The following TMEM132B variants were observed in gnomAD, a reference collection of about 807,000 sequenced individuals.
TMEM132B encodes the protein transmembrane protein 132B.
In TMEM132B, 18 loss-of-function variants were observed where a neutral mutation model predicts 90.8. The observed-to-expected ratio is 0.20, with a 90% CI of 0.14 to 0.29. TMEM132B has a LOEUF of 0.29. Among genes scored for constraint, TMEM132B ranks in the 10% least tolerant of loss-of-function variants. The probability of loss-of-function intolerance (pLI) is 1.00; values close to 1 mark genes in which losing one functional copy is unlikely to be tolerated. For missense variants in TMEM132B, 1,096 were observed against 1,326.8 expected (o/e 0.83, Z 2.70); for synonymous variants, 504 against 523.3 (o/e 0.96, Z 0.50).
rs1296439063 is a variant in TMEM132B at position 125,456,583 on chromosome 12, CAGGGTTTTTGTTGCTT to C, written c.1106+40907_1106+40922del. On this transcript the variant is annotated intron_variant, in intron 3 of 8. Coordinates refer to ENST00000682704, the MANE Select transcript of TMEM132B (RefSeq NM_001366854.1). Reference sequence around the variant, plus strand: ...CAGCCCTAAAGGGAAGAGGGAGGTGCAGGGTTTTTGTTGCTTTAAATCTGCCTCGTTACTCTCTTAC... The same window carrying C: ...CAGCCCTAAAGGGAAGAGGGAGGTGCTAAATCTGCCTCGTTACTCTCTTAC... 4.7e-4 allele frequency among the ~76,000 whole-genome samples: 72 copies of C among 152,290 alleles called. 1 individual carries two copies. The highest frequency in any genetic ancestry group is 1.6e-3 in the African/African-American group (65 of 41,556).
In TMEM132B at chr12:125,194,278, G is replaced by A. The variant is rs554710944; in HGVS notation, c.67+7412G>A. Among the ~76,000 whole-genome samples the A allele has an allele frequency of 5.6e-3, 844 of 151,930 alleles. 7 individuals are homozygous for A. The highest frequency in any genetic ancestry group is 0.029 in the East Asian group (150 of 5,126). On this transcript the variant is annotated intron_variant, in intron 1 of 8. Transcript: ENST00000682704. ...TCTGAATTAACCCGTTGGTGGGGGG[G>A]TCTTACTCATTGTGGCCACGCCTCC...
At chr12:125,487,795 C>T (rs1449541015) in intron 3 of TMEM132B, among the ~76,000 whole-genome samples, 4 of 152,202 alleles carry the variant, frequency 2.6e-5, no homozygotes, top group African/African-American at 9.6e-5. Context: ...CTATTTGTCT[C>T]TTGCTGTGCT....
chr12:125,267,900 C>G (rs769129724), intron 1 of TMEM132B, among the ~76,000 whole-genome samples: 1 of 152,118 alleles, frequency 6.6e-6, no homozygotes, highest in Non-Finnish European at 1.5e-5. Context: ...TATTCGTGTA[C>G]AAGTTGCATT....
intron 5 of TMEM132B, among the ~76,000 whole-genome samples, chr12:125,591,611 A>T (rs1356097377): frequency 1.3e-5 from 2 of 152,130 alleles, no homozygotes; most frequent in African/African-American, 4.8e-5. Context: ...ACCAATAGAA[A>T]TTTGTCCTTT....
chr12:125,469,151 G>C (rs748611915), intron 3 of TMEM132B, among the ~76,000 whole-genome samples: 1 of 152,132 alleles, frequency 6.6e-6, no homozygotes, highest in Non-Finnish European at 1.5e-5. Flanking sequence ...TCTTTACCTT[G>C]TTCCAGATCT....
chr12:125,221,675 G>A (rs929296268), intron 1 of TMEM132B, among the ~76,000 whole-genome samples: 1 of 152,204 alleles, frequency 6.6e-6, no homozygotes, highest in African/African-American at 2.4e-5. Flanking sequence ...AATGGCCTTG[G>A]AGATAACTGG....
intron 1 of TMEM132B, among the ~76,000 whole-genome samples, chr12:125,193,832 A>G (rs982187622): frequency 6.6e-6 from 1 of 152,258 alleles, no homozygotes; most frequent in African/African-American, 2.4e-5. Context: ...GCAAGACAAC[A>G]GTGAAGCAGT....
intron 5 of TMEM132B, among the ~76,000 whole-genome samples, chr12:125,621,457 A>G (rs765160532): frequency 6.2e-4 from 95 of 152,192 alleles, no homozygotes; most frequent in Non-Finnish European, 1.1e-3. Context: ...GCTTGAGGTT[A>G]GAAAGACAGA....
chr12:125,632,989 C>T (rs895372145), intron 5 of TMEM132B, among the ~76,000 whole-genome samples: 6 of 151,998 alleles, frequency 3.9e-5, no homozygotes, highest in Non-Finnish European at 7.4e-5. Flanking sequence ...TTCTACCTGT[C>T]TCTTACTCTA....
At chr12:125,651,747 G>A (rs1226399157) in intron 7 of TMEM132B, among the ~76,000 whole-genome samples, 3 of 152,160 alleles carry the variant, frequency 2.0e-5, no homozygotes, top group Admixed American at 6.5e-5. Context: ...CGGCTGGCCT[G>A]GGCTCTTATC....
At chr12:125,639,657 T>G (rs17438276) in intron 5 of TMEM132B, among the ~76,000 whole-genome samples, 34,002 of 152,086 alleles carry the variant, frequency 0.22, 4,292 homozygotes, top group Admixed American at 0.37. Flanking sequence ...TTAATACAGT[T>G]TAAGTGACAT....
chr12:125,606,635 C>T (rs541304501), intron 5 of TMEM132B, among the ~76,000 whole-genome samples: 2 of 152,350 alleles, frequency 1.3e-5, no homozygotes, highest in South Asian at 4.1e-4. Flanking sequence ...TCAGGCATTT[C>T]GGTATCTGGG....
chr12:125,515,657 TCA>T (rs990235195), intron 3 of TMEM132B, among the ~76,000 whole-genome samples: 1 of 149,438 alleles, frequency 6.7e-6, no homozygotes, highest in African/African-American at 2.5e-5. Flanking sequence ...CACACCCCCT[TCA>T]CACATTCTTT....
At chr12:125,437,418 C>A (rs1880738236) in intron 3 of TMEM132B, among the ~76,000 whole-genome samples, 1 of 152,178 alleles carries the variant, frequency 6.6e-6, no homozygotes, top group Non-Finnish European at 1.5e-5. Context: ...TTTGTTTGAA[C>A]ACCTGTTTTC....
chr12:125,214,322 C>A (rs963750258), intron 1 of TMEM132B, among the ~76,000 whole-genome samples: 1 of 152,218 alleles, frequency 6.6e-6, no homozygotes, highest in African/African-American at 2.4e-5. Flanking sequence ...TATAGTGGCT[C>A]CATTCTCAGG....
chr12:125,218,759 T>C (rs1442665949), intron 1 of TMEM132B, among the ~76,000 whole-genome samples: 1 of 137,264 alleles, frequency 7.3e-6, no homozygotes, highest in Non-Finnish European at 1.5e-5. Flanking sequence ...ACATCTTTCT[T>C]GTTGAAGCTG....
chr12:125,578,060 A>G (rs7311443), intron 4 of TMEM132B, among the ~76,000 whole-genome samples: 62 of 152,224 alleles, frequency 4.1e-4, no homozygotes, highest in South Asian at 3.7e-3. Context: ...AAATGCAGTA[A>G]CAATGTGTAT....
At chr12:125,350,461 G>A in intron 2 of TMEM132B, 118 bp downstream of exon 2, 2 of 1,228,834 alleles carry the variant, frequency 1.6e-6, no homozygotes, top group Non-Finnish European at 1.1e-6. Flanking sequence ...GAATACAGCT[G>A]GTCATTAAAG....
At chr12:125,347,424 C>T (rs1402538139) in intron 1 of TMEM132B, among the ~76,000 whole-genome samples, 1 of 152,116 alleles carries the variant, frequency 6.6e-6, no homozygotes, top group African/African-American at 2.4e-5. Context: ...TGCATCAGCC[C>T]GTACGTGGGC....
Sources: allele counts gnomAD v4.1 joint callset (sites outside exome capture counted in the v4.1 genomes callset), GRCh38; gene constraint gnomAD v4.1.1; transcripts MANE v1.5; gene names NCBI Gene and HGNC (gene_info 2026-07-23, HGNC 2026-07-21).